Variants in TUSC3 observed in about 807,000 individuals in gnomAD.
The protein encoded by TUSC3 is dolichyl-diphosphooligosaccharide--protein glycosyltransferase subunit TUSC3.
TUSC3 carries 45 observed loss-of-function variants against 44.8 expected under a neutral mutation model. That is an observed-to-expected ratio of 1.00 (90% confidence interval 0.79 to 1.29). TUSC3 has a LOEUF of 1.29. Ranked by LOEUF, TUSC3 falls within the 50% of genes most tolerant of loss-of-function variation. The pLI is 0.00. For synonymous variants in TUSC3, 212 were observed against 152.9 expected (o/e 1.39, Z -2.85); for missense variants, 519 against 437.9 (o/e 1.19, Z -1.65).
chr8:15,617,138 AT>A (rs71211064), intron 1 of TUSC3, among the ~76,000 whole-genome samples: 4,437 of 88,802 alleles, frequency 0.05, 133 homozygotes, highest in East Asian at 0.18. Flanking sequence ...GTGTGTATAT[AT>A]TTTTTTTTTT....
chr8:15,519,575 A>C (rs1431610616), intron 2 of TUSC3, among the ~76,000 whole-genome samples: 2 of 152,030 alleles, frequency 1.3e-5, no homozygotes, highest in African/African-American at 2.4e-5. Context: ...TCCTATTGTG[A>C]ACTGTGCACC....
chr8:15,689,755 CA>C (rs1422645623), intron 6 of TUSC3, among the ~76,000 whole-genome samples: 5 of 151,566 alleles, frequency 3.3e-5, no homozygotes, highest in Non-Finnish European at 7.4e-5. Context: ...TAATGGCATC[CA>C]ACTCCATTCA....
rs545903839 is a variant in TUSC3, at chr8:15,463,292, C to T, written n.92-20094C>T. ...ATAAAAATATATGCTGTTATTTTAG[C>T]TAGGCTAAATTAGAGGAGTCCGTCA... is the stretch of plus-strand genomic sequence containing the variant. On this transcript the variant is annotated intron_variant and non_coding_transcript_variant, in intron 1 of 5. Coordinates refer to the TUSC3 transcript ENST00000503191. Among the ~76,000 whole-genome samples, 4 of 152,172 alleles carry T rather than the reference C, an allele frequency of 2.6e-5. No individual in the cohort carries two copies. In the South Asian group the frequency reaches 6.2e-4, roughly 24 times the overall value.
intron 2 of TUSC3, among the ~76,000 whole-genome samples, chr8:15,636,187 C>T (rs1806065586): frequency 6.6e-6 from 1 of 152,012 alleles, no homozygotes; most frequent in African/African-American, 2.4e-5. Flanking sequence ...GCCACAGCAG[C>T]CCGTTAAGCA....
chr8:15,700,442 AGAGT>A (rs370760342), intron 6 of TUSC3, among the ~76,000 whole-genome samples: 407 of 152,294 alleles, frequency 2.7e-3, no homozygotes, highest in African/African-American at 9.0e-3. Context: ...CTGTGTGAAC[AGAGT>A]AAGTAGGAGT....
chr8:15,804,657 C>T, the TUSC3 span, among the ~76,000 whole-genome samples: 1 of 152,096 alleles, frequency 6.6e-6, no homozygotes, highest in Non-Finnish European at 1.5e-5. Context: ...TTACTGAGTT[C>T]TTTATTCTGT....
chr8:15,583,876 A>C (rs936998447), intron 1 of TUSC3, among the ~76,000 whole-genome samples: 20 of 152,234 alleles, frequency 1.3e-4, no homozygotes, highest in Non-Finnish European at 1.8e-4. Context: ...TCTTTCTTAA[A>C]ATGAGGATGT....
intron 1 of TUSC3, among the ~76,000 whole-genome samples, chr8:15,568,067 G>A (rs142306505): frequency 1.1e-3 from 172 of 152,120 alleles, no homozygotes; most frequent in African/African-American, 3.9e-3. Context: ...CTCTTGTCAC[G>A]ATTGGCACAA....
chr8:15,812,146 G>C, the TUSC3 span, among the ~76,000 whole-genome samples: 2 of 152,176 alleles, frequency 1.3e-5, no homozygotes, highest in Admixed American at 6.6e-5. Flanking sequence ...AGGCATTAAA[G>C]TGCATCTTAA....
chr8:15,713,510 A>G (rs1478148362), intron 6 of TUSC3, among the ~76,000 whole-genome samples: 2 of 152,174 alleles, frequency 1.3e-5, no homozygotes, highest in Admixed American at 1.3e-4. Flanking sequence ...TAGGGCTGCC[A>G]TAACAAAGTA....
intron 2 of TUSC3, among the ~76,000 whole-genome samples, chr8:15,486,447 A>G (rs1800734004): frequency 6.6e-6 from 1 of 152,014 alleles, no homozygotes; most frequent in Non-Finnish European, 1.5e-5. Context: ...TTACTCTCCT[A>G]CAATTTTCTT....
intron 7 of TUSC3, among the ~76,000 whole-genome samples, chr8:15,732,852 C>T (rs1465244793): frequency 6.6e-6 from 1 of 152,134 alleles, no homozygotes; most frequent in Non-Finnish European, 1.5e-5. Flanking sequence ...TCTCCATTCT[C>T]AACATTTTTA....
chr8:15,761,184 A>G (rs911381238), intron 10 of TUSC3, among the ~76,000 whole-genome samples: 8 of 152,178 alleles, frequency 5.3e-5, no homozygotes, highest in African/African-American at 1.9e-4. Context: ...TCAAGTAATA[A>G]ACTTGCTAAT....
At chr8:15,576,300 A>AT (rs1175092934) in intron 1 of TUSC3, among the ~76,000 whole-genome samples, 2 of 70,294 alleles carry the variant, frequency 2.8e-5, no homozygotes, top group Non-Finnish European at 6.1e-5. Context: ...TTATTTTTTT[A>AT]TTTTTTTATT....
At chr8:15,790,127 C>T in the TUSC3 span, among the ~76,000 whole-genome samples, 1 of 150,412 alleles carries the variant, frequency 6.6e-6, no homozygotes, top group Non-Finnish European at 1.5e-5. Flanking sequence ...GTAGTAACGT[C>T]CTGGTTGTTG....
chr8:15,668,777 CA>C (rs1563163321), intron 5 of TUSC3, among the ~76,000 whole-genome samples: 2 of 151,724 alleles, frequency 1.3e-5, no homozygotes, highest in Admixed American at 1.3e-4. Context: ...TGTCTAGTGT[CA>C]CTTTTGTCCT....
chr8:15,737,789 C>T (rs564096604), intron 7 of TUSC3, among the ~76,000 whole-genome samples: 1 of 152,190 alleles, frequency 6.6e-6, no homozygotes, highest in African/African-American at 2.4e-5. Flanking sequence ...ATCATTCAGC[C>T]TTCCACTCAG....
rs185984818 is a variant in TUSC3, at chr8:15,545,794, T to C, written c.138+5226T>C. 1.2e-3 allele frequency among the ~76,000 whole-genome samples: 181 copies of C among 151,896 alleles called. 4 individuals are homozygous for C. The highest frequency in any genetic ancestry group is 1.7e-3 in the Non-Finnish European group (115 of 67,910). ...TGCATTTACTTTTTCATTATTTCCC[T>C]CTTTAGCCCTACATATTCATCGATT... is the stretch of plus-strand genomic sequence containing the variant. On this transcript the variant is annotated intron_variant, in intron 1 of 10. Transcript: ENST00000503731.
chr8:15,616,159 TA>T (rs1804977932), intron 1 of TUSC3, among the ~76,000 whole-genome samples: 1 of 151,108 alleles, frequency 6.6e-6, no homozygotes, highest in African/African-American at 2.4e-5. Context: ...TCTTAAAGAA[TA>T]AAAGTAGAGA....
Sources: gnomAD v4.1 joint callset for allele counts (sites outside exome capture counted in the v4.1 genomes callset) on GRCh38, gnomAD v4.1.1 for gene constraint, MANE v1.5 for transcripts, NCBI Gene and HGNC (gene_info 2026-07-23, HGNC 2026-07-21) for gene names.